Variants in OR14A2 observed in about 807,000 individuals in gnomAD.
The protein encoded by OR14A2 is olfactory receptor 14A2.
For synonymous variants in OR14A2, 114 were observed against 58.6 expected, an observed-to-expected ratio of 1.95 and a Z score of -4.32; for missense variants, 237 against 152.9, an observed-to-expected ratio of 1.55 and a Z score of -2.90.
At chr1:247,737,463 G>A in the OR14A2 span, among the ~76,000 whole-genome samples, 3 of 152,168 alleles carry the variant, frequency 2.0e-5, no homozygotes, top group Non-Finnish European at 2.9e-5. Context: ...TAGCTTTAGA[G>A]CAATAATGGA....
chr1:247,728,375 C>G (rs540951921), upstream of OR14A2, among the ~76,000 whole-genome samples: 3,748 of 151,896 alleles, frequency 0.025, 63 homozygotes, highest in Non-Finnish European at 0.041. Context: ...ATTCAACAAC[C>G]CTTCATGCTA....
chr1:247,746,373 T>C, the OR14A2 span: 1 of 152,196 alleles, frequency 6.6e-6, no homozygotes, highest in East Asian at 1.9e-4. Context: ...TGGACTTTGA[T>C]GGGTGGCATC....
the OR14A2 span, among the ~76,000 whole-genome samples, chr1:247,738,446 A>T: frequency 6.6e-6 from 1 of 152,208 alleles, no homozygotes; most frequent in Non-Finnish European, 1.5e-5. Context: ...CAGTTGTTTT[A>T]CACCTGAGTC....
At chr1:247,742,458 ACACACACACACG>A in the OR14A2 span, among the ~76,000 whole-genome samples, 1 of 149,514 alleles carries the variant, frequency 6.7e-6, no homozygotes, top group Non-Finnish European at 1.5e-5. Flanking sequence ...TTGAGATAAT[ACACACACACACG>A]CACACACACA....
At chr1:247,736,492 GA>G in the OR14A2 span, among the ~76,000 whole-genome samples, 1 of 152,118 alleles carries the variant, frequency 6.6e-6, no homozygotes, top group Admixed American at 6.5e-5. Context: ...TATCTGTAAA[GA>G]AAAGCACACA....
chr1:247,731,641 T>G, the OR14A2 span, among the ~76,000 whole-genome samples: 1 of 152,100 alleles, frequency 6.6e-6, no homozygotes. Flanking sequence ...ACTTACTCCC[T>G]CAGTAAAATT....
chr1:247,739,324 C>T, the OR14A2 span: 1 of 780,798 alleles, frequency 1.3e-6, no homozygotes, highest in Non-Finnish European at 2.4e-6. Context: ...AAAGCCTTTT[C>T]CAACTGTGTG....
At chr1:247,745,819 G>A in the OR14A2 span, among the ~76,000 whole-genome samples, 4 of 152,074 alleles carry the variant, frequency 2.6e-5, no homozygotes, top group Non-Finnish European at 4.4e-5. Context: ...TTCTCCTCTC[G>A]TAATGTTAAG....
the OR14A2 span, among the ~76,000 whole-genome samples, chr1:247,743,226 C>A: frequency 1.3e-5 from 2 of 152,082 alleles, no homozygotes; most frequent in South Asian, 2.1e-4. Flanking sequence ...CCAGAACTCC[C>A]CCTACCAGAG....
At chr1:247,723,020 C>G (rs909392108), downstream of OR14A2, 3 of 617,554 alleles carry the variant, frequency 4.9e-6, no homozygotes, top group African/African-American at 5.6e-5. Flanking sequence ...TTTCTTTTCT[C>G]AGGTCTTTCC....
chr1:247,739,247 C>T, the OR14A2 span: 1 of 780,822 alleles, frequency 1.3e-6, no homozygotes, highest in Non-Finnish European at 2.4e-6. Context: ...GTTTAGTTTG[C>T]ATTGTAGTTT....
chr1:247,737,522 T>G, the OR14A2 span, among the ~76,000 whole-genome samples: 1 of 151,796 alleles, frequency 6.6e-6, no homozygotes, highest in Non-Finnish European at 1.5e-5. Flanking sequence ...TGCCCCAAAC[T>G]TAAAGCCTCC....
chr1:247,723,852 T>G (rs1311403171), exon 1 of OR14A2: 1 of 717,716 alleles, frequency 1.4e-6, no homozygotes, highest in African/African-American at 1.7e-5. Flanking sequence ...CCAAAAAGGA[T>G]AAGTTCTTCA....
At chr1:247,733,602 T>A in the OR14A2 span, among the ~76,000 whole-genome samples, 2 of 152,178 alleles carry the variant, frequency 1.3e-5, no homozygotes, top group African/African-American at 2.4e-5. Flanking sequence ...ACAGGTATCA[T>A]GCTTGGGGAA....
upstream of OR14A2, chr1:247,724,099 G>A: frequency 1.6e-6 from 1 of 633,026 alleles, no homozygotes; most frequent in Non-Finnish European, 2.8e-6. Flanking sequence ...AAAGAATAAA[G>A]GAGAAAAAAA....
the OR14A2 span, among the ~76,000 whole-genome samples, chr1:247,741,345 A>C: frequency 2.0e-5 from 3 of 152,314 alleles, no homozygotes; most frequent in East Asian, 5.8e-4. Flanking sequence ...TTGTGAGCAT[A>C]TAATGGTTTT....
the OR14A2 span, among the ~76,000 whole-genome samples, chr1:247,734,829 A>G: frequency 6.6e-6 from 1 of 152,232 alleles, no homozygotes; most frequent in Non-Finnish European, 1.5e-5. Context: ...AGGTTGCTGG[A>G]TGACAGAAAC....
the OR14A2 span, chr1:247,747,201 C>T: frequency 2.6e-5 from 4 of 152,180 alleles, no homozygotes; most frequent in East Asian, 7.7e-4. Flanking sequence ...CCATAGTAGT[C>T]CAAGGAAGGG....
At chr1:247,733,140 C>A in the OR14A2 span, among the ~76,000 whole-genome samples, 6 of 152,056 alleles carry the variant, frequency 3.9e-5, no homozygotes, top group African/African-American at 7.2e-5. Flanking sequence ...AACTTGTGAC[C>A]CTTCCAGTTT....
Sources: gnomAD v4.1 joint callset for allele counts (sites outside exome capture counted in the v4.1 genomes callset) on GRCh38, gnomAD v4.1.1 for gene constraint, MANE v1.5 for transcripts, NCBI Gene and HGNC (gene_info 2026-07-23, HGNC 2026-07-21) for gene names.